Variants in PCDHGA10 observed in about 807,000 individuals in gnomAD.
PCDHGA10 encodes protocadherin gamma-A10.
Under a neutral mutation model 59.5 loss-of-function variants are expected in PCDHGA10, and 42 were observed. The observed-to-expected ratio is 0.71, with a 90% CI of 0.55 to 0.91. The LOEUF is 0.91. Among genes scored for constraint, PCDHGA10 ranks in the 40% least tolerant of loss-of-function variants. The pLI is 0.00. For synonymous variants in PCDHGA10, 511 were observed against 517.2 expected, an observed-to-expected ratio of 0.99 and a Z score of 0.16; for missense variants, 1,111 against 1,198.2, an observed-to-expected ratio of 0.93 and a Z score of 1.07.
chr5:141,496,663 G>A (rs2099770279), intron 2 of PCDHGA10, among the ~76,000 whole-genome samples: 1 of 152,196 alleles, frequency 6.6e-6, no homozygotes, highest in Admixed American at 6.5e-5. Context: ...GACCCCAGCT[G>A]TTGTCCTTCT....
chr5:141,420,920 A>G, intron 1 of PCDHGA10: 1 of 338,894 alleles, frequency 3.0e-6, no homozygotes, highest in Middle Eastern at 8.3e-4. Flanking sequence ...GTGATTCACA[A>G]AGGTGAGCGT....
In PCDHGA10 at chr5:141,413,230, C is replaced by T. The variant is rs2095618383; in HGVS notation, c.55C>T (p.Leu19=). The change falls in exon 1 of 4, where the codon CTG becomes TTG. Residue 19 remains leucine (L), a synonymous_variant. Transcript: ENST00000398610. ...ATCAAAGGATTGCAGCGGGCTGGTC[C>T]TGCTCTGCCTTTTCTTCGGGATTCC... The part of the protein sequence containing the change: ...KESKDCSGLV[L]LCLFFGIPWE... 2.5e-6 allele frequency: 4 copies of T among 1,613,826 alleles called. No individual in the cohort carries two copies. The highest frequency in any genetic ancestry group is 3.4e-6 in the Non-Finnish European group (4 of 1,179,888).
chr5:141,503,665 C>A (rs1210514896), intron 2 of PCDHGA10, among the ~76,000 whole-genome samples: 2 of 151,792 alleles, frequency 1.3e-5, no homozygotes, highest in African/African-American at 4.8e-5. Flanking sequence ...AATTACAACT[C>A]TTCCCACTTT....
intron 1 of PCDHGA10, chr5:141,427,068 G>A (rs1407368715): frequency 2.2e-6 from 1 of 457,950 alleles, no homozygotes; most frequent in East Asian, 6.9e-5. Flanking sequence ...TGTACTAAAG[G>A]TGACAGCCAC....
chr5:141,504,200 G>C (rs1232187138), intron 2 of PCDHGA10, among the ~76,000 whole-genome samples: 1 of 152,154 alleles, frequency 6.6e-6, no homozygotes, highest in Non-Finnish European at 1.5e-5. Context: ...TTGTCACTGT[G>C]GGAAAATTCC....
At chr5:141,427,922 G>T (rs949317839) in intron 1 of PCDHGA10, 2 of 1,580,624 alleles carry the variant, frequency 1.3e-6, no homozygotes, top group African/African-American at 1.3e-5. Context: ...ACATGAGCCG[G>T]CGCATGTTGG....
Position 141,489,091 on chromosome 5 carries a change from T to A in PCDHGA10, c.2437-5716T>A. 1.9e-4 allele frequency: 63 copies of A among 332,802 alleles called. No individual in the cohort carries two copies. Among genetic ancestry groups the A allele is most frequent in the East Asian group, 2.9e-4 (6 of 20,542 alleles). The allele number at this position is 332,802 out of a possible 1,614,324, so 20.6% of individuals were successfully genotyped here. A position where few individuals can be genotyped will look rare whatever the true frequency, so the allele number is the denominator to read the frequency against. ...CTGCCCACCCCCGCCACTCGGTGAC[T>A]AAGAACTGCTGCAAGCAGGCAAACC... On this transcript the variant is annotated intron_variant, in intron 1 of 3. Transcript: ENST00000398610. This position sits in a 1 kb window ranked among gnomAD's most constrained non-coding sequence, Gnocchi z 4.5.
chr5:141,486,011 T>C lies in PCDHGA10; in HGVS notation c.2437-8796T>C. The C allele has an allele frequency of 6.2e-7, 1 of 1,614,188 alleles. No individual in the cohort carries two copies. Among genetic ancestry groups the C allele is most frequent in the Non-Finnish European group, 8.5e-7 (1 of 1,180,014 alleles). ...GGGTCCCAGTGGTAACGTCACCTTTTATTTCAGTGGTCATACCCCTGATCG... is the reference window on the plus strand; with the variant it reads ...GGGTCCCAGTGGTAACGTCACCTTTCATTTCAGTGGTCATACCCCTGATCG... On this transcript the variant is annotated intron_variant, in intron 1 of 3. Coordinates refer to ENST00000398610, the MANE Select transcript of PCDHGA10 (RefSeq NM_018913.3). This position sits in a 1 kb window ranked among gnomAD's most constrained non-coding sequence, Gnocchi z 5.0.
chr5:141,476,897 A>G lies in PCDHGA10; in HGVS notation c.2437-17910A>G. ...CGTCCTGGAGGATGCACCCTCCGGC[A>G]CGCGCGTGGTACAAGTCCTTGCAAC... On this transcript the variant is annotated intron_variant, in intron 1 of 3. Coordinates refer to ENST00000398610, the MANE Select transcript of PCDHGA10 (RefSeq NM_018913.3). The surrounding 1 kb of genome is among the most constrained non-coding windows in gnomAD (Gnocchi z 7.6). 1 of 1,613,938 alleles carries G rather than the reference A, an allele frequency of 6.2e-7. No individual in the cohort carries two copies. Among genetic ancestry groups the G allele is most frequent in the Non-Finnish European group, 8.5e-7 (1 of 1,180,012 alleles).
chr5:141,469,855 G>T (rs1272105046), intron 1 of PCDHGA10, among the ~76,000 whole-genome samples: 4 of 152,186 alleles, frequency 2.6e-5, no homozygotes, highest in Non-Finnish European at 4.4e-5. Flanking sequence ...TTCAGACCGG[G>T]TGCAATGGCT....
chr5:141,482,661 T>G (rs1215403061), intron 1 of PCDHGA10, among the ~76,000 whole-genome samples: 1 of 151,742 alleles, frequency 6.6e-6, no homozygotes, highest in Non-Finnish European at 1.5e-5. Flanking sequence ...TGAGCTATGA[T>G]CTAAAGGTTG....
At chr5:141,450,147 C>T (rs1322871298) in intron 1 of PCDHGA10, among the ~76,000 whole-genome samples, 2 of 151,774 alleles carry the variant, frequency 1.3e-5, no homozygotes, top group African/African-American at 4.8e-5. Context: ...GCTGGGACTA[C>T]AGGCATGTGC....
At chr5:141,507,563 G>A (rs2099861587) in intron 3 of PCDHGA10, among the ~76,000 whole-genome samples, 1 of 152,222 alleles carries the variant, frequency 6.6e-6, no homozygotes, top group Non-Finnish European at 1.5e-5. Flanking sequence ...CAGGCGGCTG[G>A]GTCTGAGGAG....
chr5:141,415,740 GTTTTTTTTTTTTTT>G (rs57426385), intron 1 of PCDHGA10, 129 bp downstream of exon 1: 52 of 625,016 alleles, frequency 8.3e-5, no homozygotes, highest in East Asian at 4.1e-4. Context: ...GTTTATTAAG[GTTTTTTTTTTTTTT>G]TTTTTTTTTT....
chr5:141,503,209 C>T (rs963237902), intron 2 of PCDHGA10, among the ~76,000 whole-genome samples: 3 of 152,020 alleles, frequency 2.0e-5, no homozygotes, highest in African/African-American at 7.3e-5. Context: ...TCTCAGTGCC[C>T]ACCATGAGCA....
At chr5:141,427,164 C>T (rs1171285271) in intron 1 of PCDHGA10, 1 of 456,682 alleles carries the variant, frequency 2.2e-6, no homozygotes, top group Non-Finnish European at 4.4e-6. Context: ...TGTGCTAGAC[C>T]ATCAAAATGG....
At position 141,505,413 on chromosome 5, in the gene PCDHGA10, C is replaced by A; in HGVS notation, c.2516C>A (p.Thr839Asn). ...CCCAGCTCCCAAAATGGCGATGACACCGGCACCTGGCCCAACAACCAGTTT... is the reference window on the plus strand; with the variant it reads ...CCCAGCTCCCAAAATGGCGATGACAACGGCACCTGGCCCAACAACCAGTTT... ...GTSGSQNGDD[T>N]GTWPNNQFDT... Residue 839 changes from threonine to asparagine, a missense_variant, in exon 3 of 4, where the codon ACC becomes AAC. Physicochemically the swap from Thr to Asn is moderately conservative, Grantham distance 65 (BLOSUM62 0). Coordinates refer to ENST00000398610, the MANE Select transcript of PCDHGA10 (RefSeq NM_018913.3). 1 of 1,614,202 alleles carries A rather than the reference C, an allele frequency of 6.2e-7. No homozygotes were observed. Among genetic ancestry groups the A allele is most frequent in the Non-Finnish European group, 8.5e-7 (1 of 1,180,046 alleles).
chr5:141,487,355 G>A lies in PCDHGA10; in HGVS notation c.2437-7452G>A. ...AGCCTGTGGAGTCACATGCTTTCCT[G>A]CTGGCACCTGTGCCTGTCTCACCAG... On this transcript the variant is annotated intron_variant, in intron 1 of 3. Coordinates refer to ENST00000398610, the MANE Select transcript of PCDHGA10 (RefSeq NM_018913.3). This position sits in a 1 kb window ranked among gnomAD's most constrained non-coding sequence, Gnocchi z 5.0. 1 of 1,614,150 alleles carries A rather than the reference G, an allele frequency of 6.2e-7. No homozygotes were observed. Among genetic ancestry groups the A allele is most frequent in the South Asian group, 1.1e-5 (1 of 91,090 alleles).
intron 2 of PCDHGA10, among the ~76,000 whole-genome samples, chr5:141,501,236 G>T (rs571684337): frequency 5.5e-4 from 83 of 150,782 alleles, no homozygotes; most frequent in African/African-American, 2.0e-3. Context: ...TCAGTTTTTT[G>T]AGCATGATGT....
Sources: gnomAD v4.1 joint callset for allele counts (sites outside exome capture counted in the v4.1 genomes callset) on GRCh38, gnomAD v4.1.1 for gene constraint, Gnocchi (gnomAD v3.1) non-coding constraint, MANE v1.5 for transcripts, NCBI Gene and HGNC (gene_info 2026-07-23, HGNC 2026-07-21) for gene names.